NRG1: variants seen among roughly 807,000 people sequenced by gnomAD.
The protein encoded by NRG1 is neuregulin 1, also known as pro-neuregulin-1, membrane-bound isoform.
Under a neutral mutation model 63.8 loss-of-function variants are expected in NRG1, and 18 were observed. That is an observed-to-expected ratio of 0.28 (90% confidence interval 0.19 to 0.42). NRG1 has a LOEUF of 0.42. NRG1 is among the 10% of genes least tolerant of loss of function. NRG1 has a pLI of 1.00. For missense variants in NRG1, 762 were observed against 814.7 expected, an observed-to-expected ratio of 0.94 and a Z score of 0.79; for synonymous variants, 302 against 301.3, an observed-to-expected ratio of 1.00 and a Z score of -0.02.
At chr8:32,314,940 C>G (rs529802251) in intron 1 of NRG1, among the ~76,000 whole-genome samples, 2 of 152,312 alleles carry the variant, frequency 1.3e-5, no homozygotes, top group South Asian at 4.1e-4. Flanking sequence ...CTCACCACCA[C>G]CAGGCTAATT....
chr8:32,399,200 AAC>A (rs1812843974), intron 1 of NRG1, among the ~76,000 whole-genome samples: 1 of 152,214 alleles, frequency 6.6e-6, no homozygotes, highest in Non-Finnish European at 1.5e-5. Flanking sequence ...CATGTGATGA[AAC>A]ACATTGAGGG....
At chr8:31,835,240 A>G (rs747277593) in intron 1 of NRG1, among the ~76,000 whole-genome samples, 6 of 152,236 alleles carry the variant, frequency 3.9e-5, no homozygotes, top group Non-Finnish European at 5.9e-5. Context: ...CACACAGCTA[A>G]TGAACAGGAG....
intron 5 of NRG1, among the ~76,000 whole-genome samples, chr8:32,703,437 G>A (rs1246002875): frequency 1.7e-5 from 2 of 115,586 alleles, no homozygotes; most frequent in Non-Finnish European, 3.5e-5. Context: ...TTTTTTTTTT[G>A]AGATGGAGTC....
chr8:32,106,067 G>A (rs1207274711), intron 1 of NRG1, among the ~76,000 whole-genome samples: 1 of 152,154 alleles, frequency 6.6e-6, no homozygotes, highest in Non-Finnish European at 1.5e-5. Context: ...GAAAAATAGA[G>A]TTGAGAAGGA....
rs182972178 is a variant in NRG1 at position 32,664,786 on chromosome 8, A to G, written c.502+47901A>G. ...GAGAAGGAAGGAAACGATTCCATGCACATTAGTAATTTAGCGGTTGTTAGA... is the reference window on the plus strand; with the variant it reads ...GAGAAGGAAGGAAACGATTCCATGCGCATTAGTAATTTAGCGGTTGTTAGA... On this transcript the variant is annotated intron_variant, in intron 5 of 11. Coordinates refer to ENST00000356819, the Ensembl canonical transcript of NRG1. 8.3e-3 allele frequency among the ~76,000 whole-genome samples: 1,264 copies of G among 152,294 alleles called. 7 individuals carry two copies. The highest frequency in any genetic ancestry group is 0.024 in the Middle Eastern group (7 of 294).
At chr8:32,196,943 CTTTTTTT>C (rs773398472) in intron 1 of NRG1, among the ~76,000 whole-genome samples, 240 of 27,378 alleles carry the variant, frequency 8.8e-3, no homozygotes, top group African/African-American at 0.022. Flanking sequence ...TCAGAACATT[CTTTTTTT>C]TTTTTTTTTT....
intron 1 of NRG1, among the ~76,000 whole-genome samples, chr8:31,871,809 G>A (rs1040146109): frequency 6.6e-6 from 1 of 152,080 alleles, no homozygotes; most frequent in African/African-American, 2.4e-5. Flanking sequence ...GTTGGCCCAC[G>A]ACACATAATG....
chr8:32,426,630 T>G (rs2129486460), intron 1 of NRG1, among the ~76,000 whole-genome samples: 1 of 152,212 alleles, frequency 6.6e-6, no homozygotes, highest in Middle Eastern at 3.4e-3. Flanking sequence ...CAGGCCCTTC[T>G]CTCCCAGTCT....
intron 1 of NRG1, among the ~76,000 whole-genome samples, chr8:32,190,492 A>G (rs1842387338): frequency 6.6e-6 from 1 of 152,212 alleles, no homozygotes; most frequent in African/African-American, 2.4e-5. Context: ...CAGGCTGTGC[A>G]AAGTTGTGAG....
intron 1 of NRG1, among the ~76,000 whole-genome samples, chr8:31,775,269 A>G (rs1167103514): frequency 6.6e-6 from 1 of 152,242 alleles, no homozygotes; most frequent in African/African-American, 2.4e-5. Context: ...ACCGCAAAAC[A>G]GAATGAAATC....
intron 1 of NRG1, among the ~76,000 whole-genome samples, chr8:32,400,356 C>T (rs777385337): frequency 2.0e-5 from 3 of 151,966 alleles, no homozygotes; most frequent in Admixed American, 6.6e-5. Flanking sequence ...GGTGGTGCAA[C>T]CCTATAGTCT....
At chr8:31,774,699 A>G (rs1469363927) in intron 1 of NRG1, among the ~76,000 whole-genome samples, 2 of 152,172 alleles carry the variant, frequency 1.3e-5, no homozygotes, top group Non-Finnish European at 2.9e-5. Context: ...TATTTAAATT[A>G]AGTCCCAGTT....
At position 32,617,236 on chromosome 8, in the gene NRG1, C is replaced by T. The variant is rs144160282; in HGVS notation, c.502+351C>T. Among the ~76,000 whole-genome samples the T allele has an allele frequency of 8.1e-4, 123 of 152,310 alleles. 4 individuals are homozygous for T. In the East Asian group the frequency reaches 0.022, roughly 28 times the overall value. ...TCTTTTCAGCTTCTCTGGATGCCTT[C>T]AGCAACTGCCTGAGGCATGATACCC... is the stretch of plus-strand genomic sequence containing the variant. On this transcript the variant is annotated intron_variant, in intron 5 of 11. Coordinates refer to ENST00000356819, the Ensembl canonical transcript of NRG1.
In NRG1 at chr8:32,027,456, C is replaced by CCTTCCTTT. The variant is rs1554604269; in HGVS notation, c.37+388032_37+388033insTCTTCCTT. Among the ~76,000 whole-genome samples, 3 of 126,586 alleles carry CCTTCCTTT rather than the reference C, an allele frequency of 2.4e-5. No individual in the cohort carries two copies. The East Asian group carries it at 7.8e-4, about 33-fold the overall frequency. 83.0% of individuals were successfully genotyped at this position (126,586 alleles called of 152,430 possible). The stretch of plus-strand genomic sequence containing the variant: ...TCCTTCCTTCCTTCCTTCCTTCCTT[C>CCTTCCTTT]CTTCCTTCCTTCCCTCCCTCCCTCC... On this transcript the variant is annotated intron_variant, in intron 1 of 10. Coordinates refer to the NRG1 transcript ENST00000519301.
At chr8:32,444,361 A>G (rs1010706570) in intron 1 of NRG1, among the ~76,000 whole-genome samples, 5 of 152,042 alleles carry the variant, frequency 3.3e-5, no homozygotes, top group African/African-American at 1.2e-4. Context: ...GCTGGTCTCA[A>G]ACTCCTGGGC....
At chr8:31,927,504 A>T (rs1447338586) in intron 1 of NRG1, among the ~76,000 whole-genome samples, 1 of 120,710 alleles carries the variant, frequency 8.3e-6, no homozygotes, top group Non-Finnish European at 1.6e-5. Context: ...GCTGGAGTGC[A>T]GTGGCGGGAT....
chr8:32,357,332 GATGTAAAATC>G (rs1260834611), intron 1 of NRG1, among the ~76,000 whole-genome samples: 1 of 152,140 alleles, frequency 6.6e-6, no homozygotes, highest in Non-Finnish European at 1.5e-5. Flanking sequence ...ACAAAGAAAG[GATGTAAAATC>G]ATGGAGGACA....
chr8:32,281,184 C>CTT (rs35582021), intron 1 of NRG1, among the ~76,000 whole-genome samples: 2 of 94,324 alleles, frequency 2.1e-5, no homozygotes, highest in Admixed American at 2.5e-4. Context: ...GTAGTTTTTC[C>CTT]TTTTTTTTTT....
chr8:31,723,787 T>C (rs916965216), intron 1 of NRG1, among the ~76,000 whole-genome samples: 3 of 152,140 alleles, frequency 2.0e-5, no homozygotes, highest in African/African-American at 7.2e-5. Context: ...AATTTAGAAA[T>C]GAAGAAAGTG....
Sources: allele counts gnomAD v4.1 joint callset (sites outside exome capture counted in the v4.1 genomes callset), GRCh38; gene constraint gnomAD v4.1.1; transcripts MANE v1.5; gene names NCBI Gene and HGNC (gene_info 2026-07-23, HGNC 2026-07-21).